The following KIF6 variants were observed in gnomAD, a reference collection of about 807,000 sequenced individuals.
KIF6 encodes kinesin family member 6.
A neutral mutation model predicts 112.7 loss-of-function variants in KIF6; 106 were observed. The ratio of observed to expected loss-of-function variants is 0.94; its 90% CI spans 0.80 to 1.11. The LOEUF (loss-of-function observed/expected upper bound fraction) is 1.11, where lower values mean the gene tolerates loss of function less well. Among genes scored for constraint, KIF6 ranks in the 50% least tolerant of loss-of-function variants. KIF6 has a pLI of 0.00. For missense variants in KIF6, 929 were observed against 964.0 expected, an observed-to-expected ratio of 0.96 and a Z score of 0.48; for synonymous variants, 339 against 339.9, an observed-to-expected ratio of 1.00 and a Z score of 0.03.
chr6:39,457,264 A>G (rs1773184566), intron 13 of KIF6, among the ~76,000 whole-genome samples: 2 of 151,058 alleles, frequency 1.3e-5, no homozygotes, highest in Non-Finnish European at 3.0e-5. Flanking sequence ...CTGCTCCTGA[A>G]TGACTACTGG....
intron 3 of KIF6, among the ~76,000 whole-genome samples, chr6:39,666,401 A>C (rs756123345): frequency 9.9e-5 from 15 of 152,232 alleles, no homozygotes; most frequent in Admixed American, 2.0e-4. Flanking sequence ...TGAATTGTAT[A>C]TATGAATATA....
chr6:39,545,513 A>T, intron 11 of KIF6, 70 bp downstream of exon 11: 1 of 1,070,430 alleles, frequency 9.3e-7, no homozygotes, highest in Non-Finnish European at 1.4e-6. Flanking sequence ...GAACTGGTCA[A>T]CTAGAAAAGT....
chr6:39,489,298 C>G (rs575876645), intron 13 of KIF6, among the ~76,000 whole-genome samples: 15 of 152,088 alleles, frequency 9.9e-5, no homozygotes, highest in Non-Finnish European at 1.8e-4. Flanking sequence ...TGTTTTTGGT[C>G]TCAAACCACA....
At chr6:39,688,991 A>G (rs1788027263) in intron 3 of KIF6, among the ~76,000 whole-genome samples, 1 of 152,104 alleles carries the variant, frequency 6.6e-6, no homozygotes, top group African/African-American at 2.4e-5. Flanking sequence ...ATAATTTTTT[A>G]TTTGTAGTCC....
chr6:39,720,691 GAAAA>G lies in KIF6; in HGVS notation c.176+7_176+10del, dbSNP rs763112849. On this transcript the variant is annotated splice_region_variant and intron_variant, in intron 2 of 22. Coordinates refer to ENST00000287152, the MANE Select transcript of KIF6 (RefSeq NM_145027.6). Reference sequence around the variant, plus strand: ...GAAACAGAAATGAAAAAAGGAGAAAGAAAAACTTACTTAAATTTGTAGCTTTCTC... The same window carrying G: ...GAAACAGAAATGAAAAAAGGAGAAAGACTTACTTAAATTTGTAGCTTTCTC... The G allele has an allele frequency of 5.0e-6, 7 of 1,402,706 alleles. No individual in the cohort carries two copies. Among genetic ancestry groups the G allele is most frequent in the Non-Finnish European group, 7.1e-6 (7 of 988,436 alleles). The allele number at this position is 1,402,706 out of a possible 1,614,324, so 86.9% of individuals were successfully genotyped here.
intron 3 of KIF6, among the ~76,000 whole-genome samples, chr6:39,710,899 T>C (rs1366882139): frequency 1.3e-5 from 2 of 151,882 alleles, no homozygotes; most frequent in Non-Finnish European, 2.9e-5. Flanking sequence ...GTAGCATGCA[T>C]GTGTAATTTC....
Position 39,346,049 on chromosome 6 carries a change from G to GCTCT in KIF6, c.2232-264_2232-261dup, listed in dbSNP as rs1203700665. Among the ~76,000 whole-genome samples the GCTCT allele has an allele frequency of 3.2e-3, 93 of 28,988 alleles. 7 individuals carry two copies. Among genetic ancestry groups the GCTCT allele is most frequent in the South Asian group, 4.7e-3 (3 of 642 alleles). 19.0% of individuals were successfully genotyped at this position (28,988 alleles called of 152,430 possible). ...TAAGAGGAGGATGAGAAACTACAGTGCTCTCTCTCTCTCTCTCTCTCTCTC... is the reference window on the plus strand; with the variant it reads ...TAAGAGGAGGATGAGAAACTACAGTGCTCTCTCTCTCTCTCTCTCTCTCTCTCTC... On this transcript the variant is annotated intron_variant, in intron 20 of 22. Transcript: ENST00000287152.
chr6:39,499,668 A>G (rs750524799), intron 13 of KIF6, among the ~76,000 whole-genome samples: 2 of 152,136 alleles, frequency 1.3e-5, no homozygotes, highest in Non-Finnish European at 2.9e-5. Context: ...GTTTGGCTTG[A>G]GAATATGGGT....
intron 13 of KIF6, among the ~76,000 whole-genome samples, chr6:39,433,730 C>T (rs1771322348): frequency 6.6e-6 from 1 of 152,190 alleles, no homozygotes; most frequent in African/African-American, 2.4e-5. Context: ...AGAGGCAAGG[C>T]AAGGCCAGGA....
chr6:39,513,656 A>C (rs1204335683), intron 13 of KIF6, among the ~76,000 whole-genome samples: 1 of 152,066 alleles, frequency 6.6e-6, no homozygotes, highest in East Asian at 1.9e-4. Context: ...GGGGTGATAT[A>C]TTTGTGTAGT....
intron 15 of KIF6, among the ~76,000 whole-genome samples, chr6:39,403,034 G>A (rs1768821763): frequency 6.7e-6 from 1 of 150,334 alleles, no homozygotes; most frequent in Admixed American, 6.6e-5. Context: ...GCTCTTTCTA[G>A]AGAAATTAAA....
rs1326480590 is a variant in KIF6, at chr6:39,720,688, A to G, written c.176+14T>C. 5 of 1,332,426 alleles carry G rather than the reference A, an allele frequency of 3.8e-6. No homozygotes were observed. The highest frequency in any genetic ancestry group is 3.5e-5 in the South Asian group (3 of 84,952). The allele number at this position is 1,332,426 out of a possible 1,614,324, so 82.5% of individuals were successfully genotyped here. The stretch of plus-strand genomic sequence containing the variant: ...AATGAAACAGAAATGAAAAAAGGAG[A>G]AAGAAAAACTTACTTAAATTTGTAG... On this transcript the variant is annotated intron_variant, in intron 2 of 22. Coordinates refer to ENST00000287152, the MANE Select transcript of KIF6 (RefSeq NM_145027.6).
chr6:39,586,149 T>C, intron 8 of KIF6, 112 bp downstream of exon 8: 1 of 1,034,798 alleles, frequency 9.7e-7, no homozygotes, highest in Non-Finnish European at 1.5e-6. Context: ...TACTGCCCTC[T>C]GAAGGCATAC....
intron 13 of KIF6, among the ~76,000 whole-genome samples, chr6:39,490,761 T>C (rs968747427): frequency 6.6e-6 from 1 of 151,938 alleles, no homozygotes; most frequent in South Asian, 2.1e-4. Flanking sequence ...AAGACTATGA[T>C]AAAAGTCATA....
At position 39,457,599 on chromosome 6, in the gene KIF6, A is replaced by G. The variant is rs558190713; in HGVS notation, c.1646-26438T>C. Among the ~76,000 whole-genome samples the G allele has an allele frequency of 1.9e-3, 289 of 152,200 alleles. 1 individual carries two copies. Among genetic ancestry groups the G allele is most frequent in the African/African-American group, 6.5e-3 (268 of 41,500 alleles). On this transcript the variant is annotated intron_variant, in intron 13 of 22. Transcript: ENST00000287152. ...ATCCAGGAGCTGGTTTTTTGAAAGG[A>G]TCAACAAAATTGATAGAACGCTAGC... is the stretch of plus-strand genomic sequence containing the variant.
At chr6:39,434,560 G>A (rs750910754) in intron 13 of KIF6, among the ~76,000 whole-genome samples, 7 of 151,654 alleles carry the variant, frequency 4.6e-5, no homozygotes, top group East Asian at 3.9e-4. Context: ...GACAAGGTGC[G>A]ACTCCATCTC....
intron 3 of KIF6, among the ~76,000 whole-genome samples, chr6:39,654,331 T>A (rs1785647781): frequency 6.6e-6 from 1 of 152,166 alleles, no homozygotes; most frequent in Non-Finnish European, 1.5e-5. Flanking sequence ...TCTCTTAGTC[T>A]CATCTATTCC....
intron 13 of KIF6, among the ~76,000 whole-genome samples, chr6:39,480,000 C>T (rs1331212160): frequency 6.6e-6 from 1 of 152,052 alleles, no homozygotes; most frequent in Non-Finnish European, 1.5e-5. Flanking sequence ...CAACAAACAC[C>T]TATAGTTTCA....
intron 13 of KIF6, among the ~76,000 whole-genome samples, chr6:39,431,647 G>A (rs73424672): frequency 9.0e-4 from 137 of 152,316 alleles, no homozygotes; most frequent in Middle Eastern, 3.4e-3. Context: ...CTTGTTTCCT[G>A]TGGTTAGTGA....
Sources: gnomAD v4.1 joint callset for allele counts (sites outside exome capture counted in the v4.1 genomes callset) on GRCh38, gnomAD v4.1.1 for gene constraint, MANE v1.5 for transcripts, NCBI Gene and HGNC (gene_info 2026-07-23, HGNC 2026-07-21) for gene names.